Variants in EYA2 observed in about 807,000 individuals in gnomAD.
The protein encoded by EYA2 is EYA transcriptional coactivator and phosphatase 2, also known as protein phosphatase EYA2.
Under a neutral mutation model 69.2 loss-of-function variants are expected in EYA2, and 31 were observed. The ratio of observed to expected loss-of-function variants is 0.45; its 90% CI spans 0.34 to 0.60. The LOEUF (loss-of-function observed/expected upper bound fraction) is 0.60. EYA2 is among the 20% of genes least tolerant of loss of function. The pLI, the probability that EYA2 is intolerant of heterozygous loss-of-function variation, is 0.02. For missense variants in EYA2, 622 were observed against 701.2 expected, an observed-to-expected ratio of 0.89 and a Z score of 1.28; for synonymous variants, 257 against 279.4, an observed-to-expected ratio of 0.92 and a Z score of 0.80.
chr20:47,063,812 G>A (rs2031003774), intron 5 of EYA2, among the ~76,000 whole-genome samples: 1 of 152,308 alleles, frequency 6.6e-6, no homozygotes, highest in Middle Eastern at 3.4e-3. Context: ...CAGGACTCCT[G>A]AGCTGCTCCC....
chr20:47,046,530 T>C (rs1166017547), intron 5 of EYA2, among the ~76,000 whole-genome samples: 1 of 152,088 alleles, frequency 6.6e-6, no homozygotes, highest in Non-Finnish European at 1.5e-5. Flanking sequence ...CCAGCCCTCA[T>C]CCTAAAACAA....
At chr20:46,933,749 C>A (rs890780694) in intron 1 of EYA2, among the ~76,000 whole-genome samples, 1 of 152,202 alleles carries the variant, frequency 6.6e-6, no homozygotes, top group African/African-American at 2.4e-5. Flanking sequence ...TAGGGCCTTC[C>A]GTCAAGATTT....
intron 9 of EYA2, among the ~76,000 whole-genome samples, chr20:47,122,984 C>T (rs1046576449): frequency 2.0e-5 from 3 of 152,200 alleles, no homozygotes; most frequent in African/African-American, 7.2e-5. Context: ...CATGTGACCT[C>T]AGACAAGTCA....
In EYA2 at chr20:47,107,617, G is replaced by T. The variant is rs373962708; in HGVS notation, c.888+10449G>T. Reference sequence around the variant, plus strand: ...GCACTTTGGGAGGTTGAGGCAGGAGGATTGCTTGAGGCCAGAAGTTCAAGA... The same window carrying T: ...GCACTTTGGGAGGTTGAGGCAGGAGTATTGCTTGAGGCCAGAAGTTCAAGA... On this transcript the variant is annotated intron_variant, in intron 9 of 15. Transcript: ENST00000327619. Among the ~76,000 whole-genome samples, 10 of 151,970 alleles carry T rather than the reference G, an allele frequency of 6.6e-5. No individual in the cohort carries two copies. The East Asian group carries it at 1.9e-3, about 29-fold the overall frequency.
At chr20:46,982,195 G>A (rs1980876099) in intron 1 of EYA2, among the ~76,000 whole-genome samples, 1 of 151,934 alleles carries the variant, frequency 6.6e-6, no homozygotes, top group African/African-American at 2.4e-5. Flanking sequence ...TCTTAATTTT[G>A]GTTTGTTTCA....
At chr20:46,985,470 G>A (rs1034090881) in intron 1 of EYA2, among the ~76,000 whole-genome samples, 2 of 152,202 alleles carry the variant, frequency 1.3e-5, no homozygotes. Flanking sequence ...ATGTGTAAGA[G>A]CTCTTAAGGA....
At chr20:46,920,509 C>G (rs747319697) in intron 1 of EYA2, among the ~76,000 whole-genome samples, 2 of 152,116 alleles carry the variant, frequency 1.3e-5, no homozygotes, top group Non-Finnish European at 1.5e-5. Flanking sequence ...TGTGGGTTCT[C>G]CCAGTTTTTT....
chr20:47,035,142 G>A (rs1044385380), intron 5 of EYA2, among the ~76,000 whole-genome samples: 6 of 152,200 alleles, frequency 3.9e-5, no homozygotes, highest in African/African-American at 1.4e-4. Flanking sequence ...TGAGCTGCAA[G>A]AGGCTTGGAG....
rs74178703 is a variant in EYA2, at chr20:47,130,261, C to CTTTTTTTTTTTTTTTTTTT, written c.889-12795_889-12777dup. On this transcript the variant is annotated intron_variant, in intron 9 of 15. Coordinates refer to ENST00000327619, the MANE Select transcript of EYA2 (RefSeq NM_005244.5). Reference sequence around the variant, plus strand: ...AAAGAAATAAAAGAAGGTTTATTTTCTTTTTTTTTTTTTTTTTTTTTGAGA... The same window carrying CTTTTTTTTTTTTTTTTTTT: ...AAAGAAATAAAAGAAGGTTTATTTTCTTTTTTTTTTTTTTTTTTTTTTTTTTTTTTTTTTTTTTTTGAGA... Among the ~76,000 whole-genome samples the CTTTTTTTTTTTTTTTTTTT allele has an allele frequency of 1.5e-4, 12 of 81,264 alleles. 2 individuals carry two copies. The highest frequency in any genetic ancestry group is 2.3e-4 in the African/African-American group (4 of 17,378). 53.3% of individuals were successfully genotyped at this position (81,264 alleles called of 152,430 possible).
intron 1 of EYA2, among the ~76,000 whole-genome samples, chr20:46,917,122 A>G (rs1984945614): frequency 6.6e-6 from 1 of 152,190 alleles, no homozygotes; most frequent in Non-Finnish European, 1.5e-5. Context: ...CCGAGTCAAA[A>G]TCTTCCTAAC....
chr20:47,097,214 T>C (rs2032275414), intron 9 of EYA2, 46 bp downstream of exon 9: 1 of 1,448,634 alleles, frequency 6.9e-7, no homozygotes, highest in South Asian at 1.2e-5. Context: ...GTTTTCAACG[T>C]TATTGTCCAG....
intron 7 of EYA2, among the ~76,000 whole-genome samples, chr20:47,079,347 A>G (rs887188484): frequency 6.6e-6 from 1 of 152,234 alleles, no homozygotes; most frequent in Admixed American, 6.5e-5. Context: ...TTGAGGGGTC[A>G]GCAGGGTTAT....
At chr20:47,069,426 T>G (rs1302262968) in intron 5 of EYA2, among the ~76,000 whole-genome samples, 1 of 152,118 alleles carries the variant, frequency 6.6e-6, no homozygotes, top group Non-Finnish European at 1.5e-5. Flanking sequence ...GAGGCGGAGA[T>G]TGCAGTGAGC....
At chr20:47,170,692 G>A (rs2034301209) in intron 11 of EYA2, among the ~76,000 whole-genome samples, 1 of 151,682 alleles carries the variant, frequency 6.6e-6, no homozygotes, top group Admixed American at 6.6e-5. Context: ...AATGTGGGCT[G>A]GAATGTTCCA....
At chr20:46,965,352 A>G (rs1979708533) in intron 1 of EYA2, among the ~76,000 whole-genome samples, 2 of 152,196 alleles carry the variant, frequency 1.3e-5, no homozygotes. Context: ...TCGAATCCTT[A>G]ATCCCTTCTC....
At position 47,156,153 on chromosome 20, in the gene EYA2, T is replaced by C. The variant is rs756574313; in HGVS notation, c.979-12986T>C. ...ATATATATATATATATATATATATA[T>C]ATATATATATATATATATATATATA... On this transcript the variant is annotated intron_variant, in intron 10 of 15. Transcript: ENST00000327619. Among the ~76,000 whole-genome samples, 256 of 29,940 alleles carry C rather than the reference T, an allele frequency of 8.6e-3. 3 individuals are homozygous for C. Among genetic ancestry groups the C allele is most frequent in the Non-Finnish European group, 0.011 (196 of 18,456 alleles). 19.6% of individuals were successfully genotyped at this position (29,940 alleles called of 152,430 possible). A position where few individuals can be genotyped will look rare whatever the true frequency, so the allele number is the denominator to read the frequency against.
intron 1 of EYA2, among the ~76,000 whole-genome samples, chr20:46,970,425 G>A (rs1980067929): frequency 6.6e-6 from 1 of 152,132 alleles, no homozygotes; most frequent in South Asian, 2.1e-4. Flanking sequence ...CTCGGGGAGA[G>A]GGCAGCTACT....
chr20:47,083,293 A>T (rs2146493765), intron 7 of EYA2, among the ~76,000 whole-genome samples: 1 of 152,302 alleles, frequency 6.6e-6, no homozygotes, highest in Middle Eastern at 3.4e-3. Context: ...AGATGCTGGA[A>T]CAGCCGAGCA....
chr20:46,937,199 G>A (rs547516726), intron 1 of EYA2, among the ~76,000 whole-genome samples: 26 of 152,336 alleles, frequency 1.7e-4, no homozygotes, highest in Non-Finnish European at 2.6e-4. Flanking sequence ...TTGAACTCAT[G>A]TACATGAATC....
Sources: allele counts gnomAD v4.1 joint callset (sites outside exome capture counted in the v4.1 genomes callset), GRCh38; gene constraint gnomAD v4.1.1; transcripts MANE v1.5; gene names NCBI Gene and HGNC (gene_info 2026-07-23, HGNC 2026-07-21).